PDZD2: variants seen among roughly 807,000 people sequenced by gnomAD.
PDZD2 encodes the protein PDZ domain-containing protein 2.
PDZD2 carries 90 observed loss-of-function variants against 220.7 expected under a neutral mutation model. The ratio of observed to expected loss-of-function variants is 0.41; its 90% confidence interval spans 0.34 to 0.49. The LOEUF (loss-of-function observed/expected upper bound fraction) is 0.49, where lower values mean the gene tolerates loss of function less well. Among genes scored for constraint, PDZD2 ranks in the 20% least tolerant of loss-of-function variants. The probability of loss-of-function intolerance (pLI) is 0.28; values close to 1 mark genes in which losing one functional copy is unlikely to be tolerated. For missense variants in PDZD2, 3,174 were observed against 3,608.5 expected, an observed-to-expected ratio of 0.88 and a Z score of 3.08; for synonymous variants, 1,375 against 1,450.5, an observed-to-expected ratio of 0.95 and a Z score of 1.18.
At chr5:31,719,873 A>G (rs960444703) in intron 1 of PDZD2, among the ~76,000 whole-genome samples, 2 of 152,228 alleles carry the variant, frequency 1.3e-5, no homozygotes, top group Non-Finnish European at 2.9e-5. Flanking sequence ...CTCAGTTACC[A>G]GTTAAGAATT....
rs570474721 is a variant in PDZD2 at position 31,729,008 on chromosome 5, C to T, written c.-360-69881C>T. On this transcript the variant is annotated intron_variant, in intron 1 of 24. Coordinates refer to ENST00000438447, the MANE Select transcript of PDZD2 (RefSeq NM_178140.4). ...TAGCTGGGATTACAGGCTGAGCCAC[C>T]GCGCCCGGCCGCAATGTGCATCTTC... is the stretch of plus-strand genomic sequence containing the variant. 5.4e-4 allele frequency among the ~76,000 whole-genome samples: 82 copies of T among 152,034 alleles called. 2 individuals carry two copies. The highest frequency in any genetic ancestry group is 4.2e-3 in the Admixed American group (64 of 15,274).
chr5:32,104,086 C>G (rs1295144200), intron 24 of PDZD2: 4 of 152,122 alleles, frequency 2.6e-5, no homozygotes, highest in African/African-American at 9.7e-5. Flanking sequence ...ACGGCAGATC[C>G]CACCTTTGGA....
chr5:31,867,169 T>G (rs527679386), intron 2 of PDZD2, among the ~76,000 whole-genome samples: 15 of 152,312 alleles, frequency 9.8e-5, no homozygotes, highest in African/African-American at 3.1e-4. Flanking sequence ...CTGCTCTTTA[T>G]TGCTTCCCTC....
intron 13 of PDZD2, 29 bp from the exon 14 acceptor site, chr5:32,060,973 C>CT (rs1739630419): frequency 6.2e-7 from 1 of 1,613,046 alleles, no homozygotes; most frequent in African/African-American, 1.3e-5. Context: ...GCTGCTAACA[C>CT]AGAGTGTGGA....
At chr5:32,029,772 C>G (rs75395448) in intron 6 of PDZD2, among the ~76,000 whole-genome samples, 1 of 152,218 alleles carries the variant, frequency 6.6e-6, no homozygotes, top group Non-Finnish European at 1.5e-5. Flanking sequence ...GTAACAACAG[C>G]CTCTGTCTCT....
chr5:31,686,913 G>C (rs1416413406), intron 1 of PDZD2, among the ~76,000 whole-genome samples: 1 of 152,084 alleles, frequency 6.6e-6, no homozygotes, highest in Non-Finnish European at 1.5e-5. Context: ...GGAGGGTTCT[G>C]GAACAAGGTT....
At chr5:31,670,409 G>GTTTAT (rs201029053) in intron 1 of PDZD2, among the ~76,000 whole-genome samples, 7,643 of 151,882 alleles carry the variant, frequency 0.05, 233 homozygotes, top group South Asian at 0.08. Context: ...CTTAGTTTGC[G>GTTTAT]TTTATTTTAT....
intron 1 of PDZD2, among the ~76,000 whole-genome samples, chr5:31,778,819 T>C (rs1752877753): frequency 1.3e-5 from 2 of 152,100 alleles, no homozygotes; most frequent in Non-Finnish European, 2.9e-5. Context: ...TAATAAATGT[T>C]CACAAGCATT....
chr5:32,080,230 CCCAACTACTCAGGAAG>C (rs1216637269), intron 19 of PDZD2, among the ~76,000 whole-genome samples: 5 of 151,288 alleles, frequency 3.3e-5, no homozygotes, highest in Non-Finnish European at 7.4e-5. Context: ...CACCTGTAGT[CCCAACTACTCAGGAAG>C]CTGAGGCAGG....
chr5:31,825,627 C>A (rs998516271), intron 2 of PDZD2, among the ~76,000 whole-genome samples: 3 of 152,190 alleles, frequency 2.0e-5, no homozygotes, highest in Non-Finnish European at 2.9e-5. Context: ...TATTTGTAGT[C>A]TTTTTCCAGA....
At chr5:31,777,238 A>C (rs1010728021) in intron 1 of PDZD2, among the ~76,000 whole-genome samples, 2 of 152,130 alleles carry the variant, frequency 1.3e-5, no homozygotes, top group African/African-American at 4.8e-5. Context: ...TGAGGGGCTT[A>C]GCACCCAGGC....
rs565791165 is a variant in PDZD2 at position 31,846,156 on chromosome 5, C to T, written c.476+46432C>T. 2.6e-4 allele frequency among the ~76,000 whole-genome samples: 39 copies of T among 152,254 alleles called. No individual in the cohort carries two copies. The South Asian group carries it at 5.6e-3, about 22-fold the overall frequency. ...GGTTGGTTGGTTTTTTTCTTTGAGA[C>T]GGAGTCTCACTCTGTTGCCCAGGCT... On this transcript the variant is annotated intron_variant, in intron 2 of 24. Coordinates refer to ENST00000438447, the MANE Select transcript of PDZD2 (RefSeq NM_178140.4).
intron 1 of PDZD2, among the ~76,000 whole-genome samples, chr5:31,760,573 C>T (rs1375114438): frequency 1.3e-5 from 2 of 152,106 alleles, no homozygotes; most frequent in Non-Finnish European, 2.9e-5. Flanking sequence ...TTATGTTGTC[C>T]ACTCATGTAT....
intron 2 of PDZD2, among the ~76,000 whole-genome samples, chr5:31,810,233 C>T (rs530326739): frequency 4.8e-5 from 6 of 125,784 alleles, no homozygotes; most frequent in African/African-American, 1.8e-4. Context: ...CATATGCCCT[C>T]AAAATGACTT....
At chr5:32,070,315 A>C (rs991528296) in intron 15 of PDZD2, among the ~76,000 whole-genome samples, 10 of 152,222 alleles carry the variant, frequency 6.6e-5, no homozygotes, top group Non-Finnish European at 8.8e-5. Flanking sequence ...AGGAAAGCAT[A>C]GGGTTTTTTG....
At chr5:31,975,020 A>AT (rs1447630953) in intron 2 of PDZD2, among the ~76,000 whole-genome samples, 2 of 152,222 alleles carry the variant, frequency 1.3e-5, no homozygotes, top group Non-Finnish European at 2.9e-5. Flanking sequence ...TCTCGAATAA[A>AT]TATTTACCCT....
chr5:31,938,299 G>C (rs568619092), intron 2 of PDZD2, among the ~76,000 whole-genome samples: 10 of 152,350 alleles, frequency 6.6e-5, no homozygotes, highest in African/African-American at 2.4e-4. Flanking sequence ...TCAGCAATTT[G>C]AATGGGCTCT....
At chr5:31,842,536 A>G (rs1408958922) in intron 2 of PDZD2, among the ~76,000 whole-genome samples, 2 of 152,210 alleles carry the variant, frequency 1.3e-5, no homozygotes, top group African/African-American at 4.8e-5. Flanking sequence ...CTGGTTCCTA[A>G]TAGAGCAACT....
chr5:31,982,281 G>C (rs1424411993), intron 2 of PDZD2, among the ~76,000 whole-genome samples: 1 of 152,158 alleles, frequency 6.6e-6, no homozygotes, highest in African/African-American at 2.4e-5. Context: ...GTTGCCACCA[G>C]TGCCTACTTA....
Sources: allele counts gnomAD v4.1 joint callset (sites outside exome capture counted in the v4.1 genomes callset), GRCh38; gene constraint gnomAD v4.1.1; transcripts MANE v1.5; gene names NCBI Gene and HGNC (gene_info 2026-07-23, HGNC 2026-07-21).